Variants in CENPK observed in about 807,000 individuals in gnomAD.
CENPK encodes the protein centromere protein K.
CENPK carries 46 observed loss-of-function variants against 40.9 expected under a neutral mutation model. The ratio of observed to expected loss-of-function variants is 1.13; its 90% confidence interval spans 0.89 to 1.44. CENPK has a LOEUF of 1.44. CENPK is among the 40% of genes most tolerant of loss of function. CENPK has a pLI of 0.00. For synonymous variants in CENPK, 107 were observed against 104.4 expected (o/e 1.02, Z -0.15); for missense variants, 288 against 303.5 (o/e 0.95, Z 0.38).
At chr5:65,560,956 GT>G (rs1014226584) in intron 2 of CENPK, 3 of 152,092 alleles carry the variant, frequency 2.0e-5, no homozygotes, top group Non-Finnish European at 4.4e-5. Context: ...GACTATACAG[GT>G]TTAAATCTGT....
intron 9 of CENPK, among the ~76,000 whole-genome samples, chr5:65,522,063 A>G (rs1408980969): frequency 6.6e-6 from 1 of 151,110 alleles, no homozygotes; most frequent in Non-Finnish European, 1.5e-5. Flanking sequence ...AAACTCTTAT[A>G]GTAACTGGAA....
At chr5:65,516,114 G>A (rs374224342), downstream of CENPK, among the ~76,000 whole-genome samples, 17 of 152,198 alleles carry the variant, frequency 1.1e-4, no homozygotes, top group African/African-American at 3.6e-4. Context: ...AAACACTATC[G>A]CACTGGGGGT....
the CENPK span, among the ~76,000 whole-genome samples, chr5:65,501,588 T>C: frequency 1.2e-4 from 14 of 113,134 alleles, no homozygotes; most frequent in African/African-American, 3.9e-4. Context: ...ATTATAACAC[T>C]CTAGATCTTA....
Position 65,518,423 on chromosome 5 carries a change from A to G in CENPK, c.*52T>C. 6.5e-7 allele frequency: 1 copy of G among 1,546,620 alleles called. No individual in the cohort carries two copies. Among genetic ancestry groups the G allele is most frequent in the African/African-American group, 1.4e-5 (1 of 72,268 alleles). ...TTTATCCAAATAGTCCTGTGGTTCC[A>G]ATATCCTTGAATGATAAGAATTTTT... is the stretch of plus-strand genomic sequence containing the variant. On this transcript the variant is annotated 3_prime_UTR_variant, in exon 11 of 11. Coordinates refer to ENST00000396679, the MANE Select transcript of CENPK (RefSeq NM_022145.5).
At chr5:65,538,829 G>C (rs1159314942) in intron 6 of CENPK, among the ~76,000 whole-genome samples, 1 of 152,100 alleles carries the variant, frequency 6.6e-6, no homozygotes, top group Non-Finnish European at 1.5e-5. Flanking sequence ...CAGATATATA[G>C]GTAAGAAGTT....
chr5:65,536,742 C>T (rs1039280487), intron 6 of CENPK, among the ~76,000 whole-genome samples: 1 of 152,036 alleles, frequency 6.6e-6, no homozygotes, highest in African/African-American at 2.4e-5. Context: ...TAATATTCTG[C>T]AACTTATAAT....
chr5:65,562,460 G>T (rs1050233896), intron 1 of CENPK, among the ~76,000 whole-genome samples: 2 of 152,126 alleles, frequency 1.3e-5, no homozygotes, highest in African/African-American at 4.8e-5. Context: ...CTATCTCAAG[G>T]CAAAAGTAGA....
chr5:65,506,126 G>A, the CENPK span, among the ~76,000 whole-genome samples: 1 of 152,094 alleles, frequency 6.6e-6, no homozygotes, highest in Admixed American at 6.5e-5. Context: ...GCCCACACCT[G>A]TAATTCCAGT....
intron 5 of CENPK, among the ~76,000 whole-genome samples, chr5:65,550,174 CAA>C (rs56732964): frequency 1.7e-4 from 10 of 59,486 alleles, no homozygotes; most frequent in Non-Finnish European, 2.3e-4. Flanking sequence ...GACTCCATCT[CAA>C]AAAAAAAAAA....
At chr5:65,507,117 A>G in the CENPK span, among the ~76,000 whole-genome samples, 184 of 152,326 alleles carry the variant, frequency 1.2e-3, 1 homozygote, top group Middle Eastern at 3.4e-3. Context: ...GCCATACTAA[A>G]CATGCCAGAT....
intron 9 of CENPK, among the ~76,000 whole-genome samples, chr5:65,525,191 T>C (rs899362095): frequency 6.6e-6 from 1 of 152,150 alleles, no homozygotes; most frequent in African/African-American, 2.4e-5. Context: ...AAATTCCATC[T>C]CTACTAAAAA....
intron 6 of CENPK, among the ~76,000 whole-genome samples, chr5:65,535,157 C>T (rs1746633622): frequency 6.6e-6 from 1 of 151,828 alleles, no homozygotes; most frequent in South Asian, 2.1e-4. Flanking sequence ...TCCCTTAAGC[C>T]TGAGGTCAAG....
chr5:65,551,730 A>G, intron 4 of CENPK, 94 bp from the exon 5 acceptor site: 6 of 622,544 alleles, frequency 9.6e-6, no homozygotes, highest in Non-Finnish European at 1.3e-5. Flanking sequence ...AAAACTTTGC[A>G]GGGGGGTGGC....
At chr5:65,532,029 A>G (rs1033287067) in intron 6 of CENPK, among the ~76,000 whole-genome samples, 1 of 152,188 alleles carries the variant, frequency 6.6e-6, no homozygotes, top group East Asian at 1.9e-4. Flanking sequence ...GGTGGAGAGA[A>G]GGACATAAAT....
the CENPK span, among the ~76,000 whole-genome samples, chr5:65,499,699 G>C: frequency 7.9e-6 from 1 of 127,044 alleles, no homozygotes; most frequent in Non-Finnish European, 1.6e-5. Context: ...CTAAGTTTTA[G>C]GGTACATGTG....
Position 65,527,315 on chromosome 5 carries a change from G to T in CENPK, c.597+1137C>A, listed in dbSNP as rs188362417. Reference sequence around the variant, plus strand: ...CATAGCTGAATGGATTCATGTAAAAGATGGATGAATGCTTGGAGATGAGGC... The same window carrying T: ...CATAGCTGAATGGATTCATGTAAAATATGGATGAATGCTTGGAGATGAGGC... On this transcript the variant is annotated intron_variant, in intron 9 of 10. Transcript: ENST00000396679. Among the ~76,000 whole-genome samples, 230 of 151,720 alleles carry T rather than the reference G, an allele frequency of 1.5e-3. 1 individual carries two copies. Among genetic ancestry groups the T allele is most frequent in the African/African-American group, 5.5e-3 (227 of 41,402 alleles).
chr5:65,554,138 A>C (rs1273002273), intron 3 of CENPK, among the ~76,000 whole-genome samples: 1 of 150,338 alleles, frequency 6.7e-6, no homozygotes, highest in Non-Finnish European at 1.5e-5. Context: ...TGAAACCAGT[A>C]ATTATTTTTT....
intron 5 of CENPK, among the ~76,000 whole-genome samples, chr5:65,548,421 G>A (rs1294894947): frequency 6.6e-6 from 1 of 152,114 alleles, no homozygotes; most frequent in Non-Finnish European, 1.5e-5. Context: ...AATGGCTGAT[G>A]ACTGATCAGG....
At chr5:65,505,119 T>C in the CENPK span, among the ~76,000 whole-genome samples, 2 of 152,082 alleles carry the variant, frequency 1.3e-5, no homozygotes, top group Non-Finnish European at 2.9e-5. Flanking sequence ...TTTATTTTTG[T>C]AGAGACAGGG....
Sources: allele counts gnomAD v4.1 joint callset (sites outside exome capture counted in the v4.1 genomes callset), GRCh38; gene constraint gnomAD v4.1.1; transcripts MANE v1.5; gene names NCBI Gene and HGNC (gene_info 2026-07-23, HGNC 2026-07-21).